The following RMDN2 variants were observed in gnomAD, a reference collection of about 807,000 sequenced individuals.
RMDN2 encodes the protein regulator of microtubule dynamics 2, also known as regulator of microtubule dynamics protein 2.
In RMDN2, 61 loss-of-function variants were observed where a neutral mutation model predicts 52.8. That is an observed-to-expected ratio of 1.16 (90% confidence interval 0.94 to 1.43). The LOEUF (loss-of-function observed/expected upper bound fraction) is 1.43, where lower values mean the gene tolerates loss of function less well. RMDN2 is among the 40% of genes most tolerant of loss of function. The pLI is 0.00. For missense variants in RMDN2, 592 were observed against 475.3 expected (o/e 1.25, Z -2.28); for synonymous variants, 180 against 153.1 (o/e 1.18, Z -1.30).
chr2:37,965,452 T>G (rs1194005154), intron 2 of RMDN2, among the ~76,000 whole-genome samples: 2 of 152,024 alleles, frequency 1.3e-5, no homozygotes, highest in Non-Finnish European at 2.9e-5. Context: ...TAACAACATA[T>G]TTTAAATTCA....
chr2:38,043,686 T>C (rs1681100787), intron 10 of RMDN2, among the ~76,000 whole-genome samples: 1 of 152,134 alleles, frequency 6.6e-6, no homozygotes, highest in Non-Finnish European at 1.5e-5. Context: ...TGTCCTATGG[T>C]TTGCAAAATA....
intron 10 of RMDN2, among the ~76,000 whole-genome samples, chr2:38,059,792 T>C (rs1357687239): frequency 6.6e-6 from 1 of 152,208 alleles, no homozygotes; most frequent in African/African-American, 2.4e-5. Context: ...TAAACTCCCC[T>C]ACACTCTGTT....
chr2:38,017,520 T>G lies in RMDN2; in HGVS notation c.*281T>G, dbSNP rs1678970230. 1.8e-6 allele frequency: 2 copies of G among 1,100,082 alleles called. No homozygotes were observed. Among genetic ancestry groups the G allele is most frequent in the South Asian group, 3.1e-5 (2 of 64,606 alleles). 68.1% of individuals were successfully genotyped at this position (1,100,082 alleles called of 1,614,324 possible). On this transcript the variant is annotated 3_prime_UTR_variant, in exon 11 of 11. Coordinates refer to ENST00000354545, the MANE Select transcript of RMDN2 (RefSeq NM_001170791.3). Reference sequence around the variant, plus strand: ...GCAGCCTTAAGAATATTTCTTTAAATAAAATATTTAAATCCAATAAAATGA... The same window carrying G: ...GCAGCCTTAAGAATATTTCTTTAAAGAAAATATTTAAATCCAATAAAATGA...
chr2:38,061,198 A>G (rs1281096342), intron 10 of RMDN2, among the ~76,000 whole-genome samples: 1 of 152,020 alleles, frequency 6.6e-6, no homozygotes, highest in Admixed American at 6.5e-5. Flanking sequence ...GGCATTAAGG[A>G]CAAGTGTCCT....
intron 2 of RMDN2, among the ~76,000 whole-genome samples, chr2:37,932,764 C>T (rs1298697222): frequency 1.4e-5 from 2 of 142,438 alleles, no homozygotes; most frequent in East Asian, 2.2e-4. Flanking sequence ...TAGGGGCGGC[C>T]GGGCAGAGGC....
intron 9 of RMDN2, 21 bp downstream of exon 9, chr2:38,004,065 G>C (rs748465673): frequency 8.7e-6 from 14 of 1,609,274 alleles, no homozygotes; most frequent in Non-Finnish European, 1.1e-5. Flanking sequence ...CCACTGTTCT[G>C]CTTTAAGATC....
At chr2:37,969,786 A>C (rs1273030095) in intron 2 of RMDN2, among the ~76,000 whole-genome samples, 1 of 129,258 alleles carries the variant, frequency 7.7e-6, no homozygotes. Context: ...ATTAAGTGTG[A>C]AATGTATTAT....
At chr2:38,002,542 T>C (rs1011655189) in intron 8 of RMDN2, among the ~76,000 whole-genome samples, 35 of 152,350 alleles carry the variant, frequency 2.3e-4, no homozygotes, top group Middle Eastern at 3.4e-3. Context: ...TATGTATTTG[T>C]GTTTTTCTAG....
chr2:37,925,084 G>A (rs1046791720), upstream of RMDN2, among the ~76,000 whole-genome samples: 1 of 152,208 alleles, frequency 6.6e-6, no homozygotes, highest in East Asian at 1.9e-4. Flanking sequence ...CCAGGCGGGG[G>A]AAAAGGTGCC....
At chr2:37,953,652 C>T (rs1479356934) in intron 2 of RMDN2, among the ~76,000 whole-genome samples, 1 of 152,048 alleles carries the variant, frequency 6.6e-6, no homozygotes, top group Admixed American at 6.6e-5. Context: ...TGTCTATGAA[C>T]ACGTGCATGC....
chr2:37,931,019 A>G (rs1273419276), intron 2 of RMDN2, among the ~76,000 whole-genome samples: 1 of 29,772 alleles, frequency 3.4e-5, no homozygotes, highest in Non-Finnish European at 6.4e-5. Context: ...CCACCCGCCG[A>G]CTAGGTCTCT....
chr2:37,925,699 C>T (rs1242780311), intron 1 of RMDN2, among the ~76,000 whole-genome samples: 1 of 152,242 alleles, frequency 6.6e-6, no homozygotes, highest in Non-Finnish European at 1.5e-5. Context: ...CACGCGGACC[C>T]TTCTGGGGTG....
At chr2:37,945,080 G>A (rs918781853) in intron 2 of RMDN2, among the ~76,000 whole-genome samples, 1 of 152,220 alleles carries the variant, frequency 6.6e-6, no homozygotes, top group Non-Finnish European at 1.5e-5. Context: ...GCTCAAGATA[G>A]TATCTGGTGA....
downstream of RMDN2, among the ~76,000 whole-genome samples, chr2:38,019,823 G>T (rs1307914299): frequency 6.6e-6 from 1 of 152,112 alleles, no homozygotes; most frequent in African/African-American, 2.4e-5. Context: ...TACTTGGGAG[G>T]CTGAGGTGGG....
At chr2:38,020,435 AC>A (rs1679261210), downstream of RMDN2, among the ~76,000 whole-genome samples, 1 of 152,122 alleles carries the variant, frequency 6.6e-6, no homozygotes, top group African/African-American at 2.4e-5. Context: ...CCTTCAGCCC[AC>A]CGCTGCACTG....
chr2:37,972,011 T>G (rs1351788149), intron 2 of RMDN2, among the ~76,000 whole-genome samples: 2 of 152,184 alleles, frequency 1.3e-5, no homozygotes, highest in African/African-American at 4.8e-5. Context: ...TTTAGGTCAT[T>G]TTAGAAACAT....
chr2:37,999,256 A>G (rs1040597150), intron 8 of RMDN2, among the ~76,000 whole-genome samples: 36 of 152,116 alleles, frequency 2.4e-4, no homozygotes, highest in African/African-American at 8.5e-4. Context: ...GCTGATTAAC[A>G]CTGCGCAAAT....
At chr2:37,931,236 G>A (rs1305654624) in intron 2 of RMDN2, among the ~76,000 whole-genome samples, 1 of 152,166 alleles carries the variant, frequency 6.6e-6, no homozygotes, top group Admixed American at 6.5e-5. Context: ...AATGTAGGAA[G>A]ATCTAAAAAA....
chr2:38,017,239 A>G lies in RMDN2; in HGVS notation c.1233A>G (p.Ter411=). The change falls in exon 11 of 11, where the codon TAA becomes TAG. Residue 411 remains the stop codon, a stop_retained_variant. Transcript: ENST00000354545. ...AAATAATGACTTCCTTGAAGAGGTA[A>G]ATAAACGAATTTACTCTTCAACAAA... ...MQKIMTSLKR[*] 2 of 1,531,732 alleles carry G rather than the reference A, an allele frequency of 1.3e-6. No homozygotes were observed. The highest frequency in any genetic ancestry group is 1.4e-5 in the African/African-American group (1 of 72,662). 94.9% of individuals were successfully genotyped at this position (1,531,732 alleles called of 1,614,324 possible). A position where few individuals can be genotyped will look rare whatever the true frequency, so the allele number is the denominator to read the frequency against.
Sources: gnomAD v4.1 joint callset for allele counts (sites outside exome capture counted in the v4.1 genomes callset) on GRCh38, gnomAD v4.1.1 for gene constraint, MANE v1.5 for transcripts, NCBI Gene and HGNC (gene_info 2026-07-23, HGNC 2026-07-21) for gene names.